Variants in CHST8 observed in about 807,000 individuals in gnomAD.
CHST8 encodes the protein carbohydrate sulfotransferase 8, also known as GALNAC-4-ST1.
Under a neutral mutation model 15.0 loss-of-function variants are expected in CHST8, and 10 were observed. That is an observed-to-expected ratio of 0.67 (90% confidence interval 0.41 to 1.13). The LOEUF is 1.13. Among genes scored for constraint, CHST8 ranks in the 50% most tolerant of loss-of-function variants. The probability of loss-of-function intolerance (pLI) is 0.00; values close to 1 mark genes in which losing one functional copy is unlikely to be tolerated. For synonymous variants in CHST8, 259 were observed against 256.6 expected, an observed-to-expected ratio of 1.01 and a Z score of -0.09; for missense variants, 634 against 608.2, an observed-to-expected ratio of 1.04 and a Z score of -0.45.
intron 1 of CHST8, among the ~76,000 whole-genome samples, chr19:33,641,361 G>A (rs1186154277): frequency 6.6e-6 from 1 of 152,154 alleles, no homozygotes; most frequent in African/African-American, 2.4e-5. Context: ...GTCAGGACTG[G>A]GGGTGAGGCA....
intron 3 of CHST8, among the ~76,000 whole-genome samples, chr19:33,715,467 A>G (rs890724623): frequency 1.3e-5 from 2 of 152,174 alleles, no homozygotes; most frequent in Non-Finnish European, 2.9e-5. Context: ...ACTTGATAGG[A>G]TAGTAATTTA....
At chr19:33,715,977 A>C (rs1170177648) in intron 3 of CHST8, among the ~76,000 whole-genome samples, 1 of 152,212 alleles carries the variant, frequency 6.6e-6, no homozygotes, top group Non-Finnish European at 1.5e-5. Context: ...AACACATGCA[A>C]TGTTGCAAGC....
intron 1 of CHST8, among the ~76,000 whole-genome samples, chr19:33,653,073 A>G (rs2145213229): frequency 6.6e-6 from 1 of 152,248 alleles, no homozygotes; most frequent in South Asian, 2.1e-4. Context: ...ACAGCTGTTT[A>G]CCAGTTTCTT....
chr19:33,676,694 A>G (rs989185432), intron 2 of CHST8, among the ~76,000 whole-genome samples: 3 of 151,976 alleles, frequency 2.0e-5, no homozygotes, highest in Admixed American at 2.0e-4. Flanking sequence ...TGAGCAACAT[A>G]GTGAGACCCC....
At chr19:33,746,141 G>T (rs138002668) in intron 3 of CHST8, among the ~76,000 whole-genome samples, 3,278 of 152,276 alleles carry the variant, frequency 0.022, 55 homozygotes, top group Non-Finnish European at 0.027. Context: ...CAAGCAAGAT[G>T]TCTGCAAAAC....
chr19:33,696,147 C>T (rs1011886992), intron 3 of CHST8, among the ~76,000 whole-genome samples: 3 of 152,126 alleles, frequency 2.0e-5, no homozygotes, highest in Non-Finnish European at 4.4e-5. Flanking sequence ...TTTATCTGCT[C>T]ATTGGTTGAT....
At chr19:33,714,523 GAA>G (rs1451876437) in intron 3 of CHST8, among the ~76,000 whole-genome samples, 2 of 151,926 alleles carry the variant, frequency 1.3e-5, no homozygotes, top group African/African-American at 4.8e-5. Context: ...CACGGGGGAG[GAA>G]AAAACCTATT....
chr19:33,633,523 C>T (rs556277773), intron 1 of CHST8, among the ~76,000 whole-genome samples: 15 of 152,258 alleles, frequency 9.9e-5, no homozygotes, highest in Admixed American at 9.8e-4. Context: ...TCCCAAGTAG[C>T]TGGGACCACA....
At chr19:33,735,654 C>G (rs1359013074) in intron 3 of CHST8, among the ~76,000 whole-genome samples, 7 of 152,200 alleles carry the variant, frequency 4.6e-5, no homozygotes, top group Admixed American at 4.6e-4. Flanking sequence ...TGGTGAAACC[C>G]TGTGTCCACT....
intron 3 of CHST8, among the ~76,000 whole-genome samples, chr19:33,763,931 T>C (rs111716899): frequency 6.6e-6 from 1 of 152,064 alleles, no homozygotes; most frequent in South Asian, 2.1e-4. Context: ...TGGCATACTG[T>C]GGATGGTGAA....
intron 2 of CHST8, among the ~76,000 whole-genome samples, chr19:33,680,963 T>G (rs2145244444): frequency 6.6e-6 from 1 of 152,270 alleles, no homozygotes; most frequent in Middle Eastern, 3.4e-3. Flanking sequence ...ATCCCATATA[T>G]CCCTTACACA....
At chr19:33,652,704 T>C (rs1424839757) in intron 1 of CHST8, among the ~76,000 whole-genome samples, 1 of 152,158 alleles carries the variant, frequency 6.6e-6, no homozygotes, top group East Asian at 1.9e-4. Flanking sequence ...TGTTTTATTT[T>C]GTGTTTCCTA....
chr19:33,758,928 G>A (rs34603911), intron 3 of CHST8, among the ~76,000 whole-genome samples: 2 of 152,098 alleles, frequency 1.3e-5, no homozygotes, highest in Admixed American at 1.3e-4. Flanking sequence ...TTGGCGGGGG[G>A]GGGCGGTGCT....
At position 33,689,317 on chromosome 19, in the gene CHST8, T is replaced by A. The variant is rs533576273; in HGVS notation, c.56T>A (p.Leu19Gln). 6.2e-7 allele frequency: 1 copy of A among 1,609,806 alleles called. No individual in the cohort carries two copies. Among genetic ancestry groups the A allele is most frequent in the East Asian group, 2.2e-5 (1 of 44,554 alleles). The stretch of plus-strand genomic sequence containing the variant: ...GCCTGCATGTTCTCTTCCATCCTGC[T>A]GTTCGGAGCTGCAGGCCTCCTCCTC... ...RLACMFSSILLFGAAGLLLFI... is the reference protein window; with the variant it reads ...RLACMFSSILQFGAAGLLLFI... The change falls in exon 3 of 5, where the codon CTG (leucine) becomes CAG (glutamine). Residue 19 changes from leucine to glutamine, a missense_variant. Physicochemically the swap from Leu to Gln is moderately radical, Grantham distance 113 (BLOSUM62 -2). Transcript: ENST00000650847.
chr19:33,673,792 C>T (rs181109387), intron 2 of CHST8, among the ~76,000 whole-genome samples: 26 of 152,262 alleles, frequency 1.7e-4, no homozygotes, highest in Non-Finnish European at 2.8e-4. Context: ...CTCCCTCTGC[C>T]GCCCAGGCTG....
intron 2 of CHST8, among the ~76,000 whole-genome samples, chr19:33,675,704 C>T (rs1418613668): frequency 6.6e-6 from 1 of 152,168 alleles, no homozygotes; most frequent in Non-Finnish European, 1.5e-5. Context: ...CCAGGGCTGC[C>T]GTAACAAAGT....
chr19:33,653,653 G>A (rs889487806), intron 1 of CHST8, among the ~76,000 whole-genome samples: 16 of 152,236 alleles, frequency 1.1e-4, no homozygotes, highest in African/African-American at 3.9e-4. Context: ...ATAGTTTCTT[G>A]GATCTGACTT....
chr19:33,641,735 G>A (rs1972286462), intron 1 of CHST8, among the ~76,000 whole-genome samples: 1 of 151,400 alleles, frequency 6.6e-6, no homozygotes, highest in Admixed American at 6.6e-5. Context: ...GGTCTGGGAT[G>A]TCGGGGGCGG....
chr19:33,637,575 G>A (rs1972222030), intron 1 of CHST8, among the ~76,000 whole-genome samples: 1 of 150,554 alleles, frequency 6.6e-6, no homozygotes, highest in Non-Finnish European at 1.5e-5. Context: ...GCTAATTTTT[G>A]GTATTTTTAG....
Sources: allele counts gnomAD v4.1 joint callset (sites outside exome capture counted in the v4.1 genomes callset), GRCh38; gene constraint gnomAD v4.1.1; transcripts MANE v1.5; gene names NCBI Gene and HGNC (gene_info 2026-07-23, HGNC 2026-07-21).